The following PCDH15 variants were observed in gnomAD, a reference collection of about 807,000 sequenced individuals.
PCDH15 encodes the protein protocadherin related 15.
A neutral mutation model predicts 178.5 loss-of-function variants in PCDH15; 129 were observed. The observed-to-expected ratio is 0.72, with a 90% CI of 0.63 to 0.84. The LOEUF is 0.84. Among genes scored for constraint, PCDH15 ranks in the 40% least tolerant of loss-of-function variants. The pLI, the probability that PCDH15 is intolerant of heterozygous loss-of-function variation, is 0.00. For synonymous variants in PCDH15, 800 were observed against 732.0 expected (o/e 1.09, Z -1.50); for missense variants, 2,230 against 2,099.9 (o/e 1.06, Z -1.21).
At chr10:54,212,817 A>G (rs185680612) in intron 10 of PCDH15, among the ~76,000 whole-genome samples, 1 of 152,288 alleles carries the variant, frequency 6.6e-6, no homozygotes, top group East Asian at 1.9e-4. Flanking sequence ...TGAAGTGAAA[A>G]GAGCATGGCT....
intron 10 of PCDH15, among the ~76,000 whole-genome samples, chr10:54,210,385 G>C (rs117263991): frequency 4.3e-4 from 65 of 152,168 alleles, no homozygotes; most frequent in Non-Finnish European, 8.8e-4. Flanking sequence ...TCTATGTGCT[G>C]TATATAGGTA....
chr10:54,659,539 G>A (rs972656936), intron 2 of PCDH15, among the ~76,000 whole-genome samples: 39 of 151,996 alleles, frequency 2.6e-4, no homozygotes, highest in African/African-American at 9.4e-4. Flanking sequence ...GATCATTTGA[G>A]GTCAGGAGTT....
chr10:54,277,957 G>C (rs770986067), intron 8 of PCDH15, among the ~76,000 whole-genome samples: 1 of 151,494 alleles, frequency 6.6e-6, no homozygotes, highest in Non-Finnish European at 1.5e-5. Flanking sequence ...AATTTGAGTT[G>C]CTTATTAGCA....
intron 2 of PCDH15, among the ~76,000 whole-genome samples, chr10:54,904,398 G>A (rs1954686675): frequency 6.6e-6 from 1 of 151,764 alleles, no homozygotes; most frequent in South Asian, 2.1e-4. Context: ...GTATTTGATT[G>A]TGGTAGCTTA....
rs529832849 is a variant in PCDH15 at position 53,946,860 on chromosome 10, C to T, written c.3123-5885G>A. On this transcript the variant is annotated intron_variant, in intron 23 of 37. Transcript: ENST00000644397. ...TGGCGCGATCTCGGCTCACTGCAAC[C>T]TGTGGCTCCCACGTTCAAGCAATTC... 2.1e-3 allele frequency among the ~76,000 whole-genome samples: 314 copies of T among 152,310 alleles called. 4 individuals carry two copies. Among genetic ancestry groups the T allele is most frequent in the African/African-American group, 7.3e-3 (303 of 41,556 alleles).
At chr10:53,874,878 G>T (rs1449271730) in intron 26 of PCDH15, among the ~76,000 whole-genome samples, 1 of 151,676 alleles carries the variant, frequency 6.6e-6, no homozygotes, top group Non-Finnish European at 1.5e-5. Flanking sequence ...TCGTTGAAAA[G>T]AAATGAAAAA....
intron 3 of PCDH15, among the ~76,000 whole-genome samples, chr10:54,421,181 A>G (rs1344090852): frequency 6.6e-6 from 1 of 152,098 alleles, no homozygotes; most frequent in Non-Finnish European, 1.5e-5. Context: ...TCTAAAACAA[A>G]ACAAAATTGT....
chr10:54,369,531 A>T (rs1020598698), intron 4 of PCDH15, among the ~76,000 whole-genome samples: 9 of 152,084 alleles, frequency 5.9e-5, no homozygotes, highest in Non-Finnish European at 1.3e-4. Context: ...GCGCACCCAC[A>T]AAATTAATGC....
intron 2 of PCDH15, among the ~76,000 whole-genome samples, chr10:55,522,180 C>A (rs536205908): frequency 1.3e-5 from 2 of 151,962 alleles, no homozygotes; most frequent in East Asian, 1.9e-4. Context: ...CTTAAGAATT[C>A]TCTTCTCTGC....
chr10:54,957,176 A>G (rs1433001640), intron 2 of PCDH15, among the ~76,000 whole-genome samples: 3 of 151,680 alleles, frequency 2.0e-5, no homozygotes, highest in Non-Finnish European at 4.4e-5. Context: ...CAGACATAAA[A>G]ATGAAGTGCA....
At chr10:54,028,919 C>A (rs2093207860) in intron 18 of PCDH15, among the ~76,000 whole-genome samples, 1 of 146,952 alleles carries the variant, frequency 6.8e-6, no homozygotes. Flanking sequence ...GCACATGTAC[C>A]CTAAAACTTA....
intron 1 of PCDH15, among the ~76,000 whole-genome samples, chr10:55,182,695 G>T (rs1839684364): frequency 6.6e-6 from 1 of 152,080 alleles, no homozygotes; most frequent in South Asian, 2.1e-4. Flanking sequence ...TCATTAGCAT[G>T]ATTACCGTTT....
chr10:53,833,822 T>A (rs1278518319), intron 29 of PCDH15, among the ~76,000 whole-genome samples: 1 of 152,086 alleles, frequency 6.6e-6, no homozygotes, highest in Non-Finnish European at 1.5e-5. Context: ...ATATGTTTTT[T>A]CCTTTTTCTT....
intron 2 of PCDH15, among the ~76,000 whole-genome samples, chr10:55,034,282 G>A (rs1025500545): frequency 2.6e-5 from 4 of 152,078 alleles, no homozygotes; most frequent in Non-Finnish European, 5.9e-5. Context: ...ACTTTTTCCT[G>A]TGTGATTTAT....
chr10:55,302,141 A>T (rs1457340946), intron 1 of PCDH15, among the ~76,000 whole-genome samples: 1 of 152,040 alleles, frequency 6.6e-6, no homozygotes, highest in Admixed American at 6.6e-5. Context: ...TGTATCTCAA[A>T]TTTTTTGTAA....
At chr10:55,594,422 C>T (rs1842902418) in intron 2 of PCDH15, among the ~76,000 whole-genome samples, 1 of 151,866 alleles carries the variant, frequency 6.6e-6, no homozygotes, top group African/African-American at 2.4e-5. Context: ...ATAATTAAAA[C>T]ATTTCAACTA....
At chr10:54,318,587 G>C (rs1217184634) in intron 7 of PCDH15, among the ~76,000 whole-genome samples, 1 of 152,144 alleles carries the variant, frequency 6.6e-6, no homozygotes, top group Non-Finnish European at 1.5e-5. Flanking sequence ...ATCCCAATCA[G>C]GATACCAGTT....
At chr10:55,322,812 G>T (rs528604409), upstream of PCDH15, among the ~76,000 whole-genome samples, 1 of 151,158 alleles carries the variant, frequency 6.6e-6, no homozygotes, top group Non-Finnish European at 1.5e-5. Flanking sequence ...AATGGGGGGG[G>T]AGAAATTCAA....
At chr10:54,162,403 C>A (rs1457843751) in intron 13 of PCDH15, among the ~76,000 whole-genome samples, 2 of 152,094 alleles carry the variant, frequency 1.3e-5, no homozygotes, top group African/African-American at 2.4e-5. Flanking sequence ...GGAAGAAAAG[C>A]AGAATGTAAT....
Sources: gnomAD v4.1 joint callset for allele counts (sites outside exome capture counted in the v4.1 genomes callset) on GRCh38, gnomAD v4.1.1 for gene constraint, MANE v1.5 for transcripts, NCBI Gene and HGNC (gene_info 2026-07-23, HGNC 2026-07-21) for gene names.